Variants in PDE4D observed in about 807,000 individuals in gnomAD.
PDE4D encodes the protein 3',5'-cyclic-AMP phosphodiesterase 4D.
Under a neutral mutation model 87.4 loss-of-function variants are expected in PDE4D, and 24 were observed. The ratio of observed to expected loss-of-function variants is 0.27; its 90% confidence interval spans 0.20 to 0.39. The LOEUF (loss-of-function observed/expected upper bound fraction) is 0.39. PDE4D is among the 10% of genes least tolerant of loss of function. The pLI is 1.00. For missense variants in PDE4D, 714 were observed against 1,041.0 expected (o/e 0.69, Z 4.32); for synonymous variants, 384 against 383.2 (o/e 1.00, Z -0.02).
At chr5:59,234,275 GTCTT>G (rs1047501360) in intron 1 of PDE4D, among the ~76,000 whole-genome samples, 7 of 151,860 alleles carry the variant, frequency 4.6e-5, no homozygotes, top group South Asian at 2.1e-4. Flanking sequence ...TGTGTATTTT[GTCTT>G]TCTTTTTTCT....
At chr5:59,475,131 A>T (rs1441098677) in intron 1 of PDE4D, among the ~76,000 whole-genome samples, 1 of 151,994 alleles carries the variant, frequency 6.6e-6, no homozygotes, top group East Asian at 1.9e-4. Context: ...TAAGGACCAT[A>T]CTTCTATCAC....
intron 1 of PDE4D, among the ~76,000 whole-genome samples, chr5:59,581,666 A>C (rs1824179515): frequency 6.6e-6 from 1 of 152,208 alleles, no homozygotes; most frequent in South Asian, 2.1e-4. Context: ...AAGCACATTG[A>C]TATTACTAAT....
chr5:60,472,007 T>C (rs1009833836), intron 1 of PDE4D, among the ~76,000 whole-genome samples: 1 of 152,160 alleles, frequency 6.6e-6, no homozygotes, highest in African/African-American at 2.4e-5. Context: ...CCGATAGTTA[T>C]ATGGTTTTGG....
intron 5 of PDE4D, among the ~76,000 whole-genome samples, chr5:59,079,848 G>GGAGAGGATAGGAGAGGAGAGGAGA (rs1561447222): frequency 1.0e-5 from 1 of 97,910 alleles, no homozygotes; most frequent in Non-Finnish European, 2.0e-5. Flanking sequence ...GGGAGAGGAG[G>GGAGAGGATAGGAGAGGAGAGGAGA]GGAGAGGAGA....
At chr5:59,602,324 A>T (rs185470740) in intron 1 of PDE4D, among the ~76,000 whole-genome samples, 6 of 152,196 alleles carry the variant, frequency 3.9e-5, no homozygotes, top group African/African-American at 1.2e-4. Flanking sequence ...ATACTTAACA[A>T]GGAAAAGTTG....
chr5:60,384,444 T>G (rs1326177238), intron 1 of PDE4D, among the ~76,000 whole-genome samples: 1 of 152,242 alleles, frequency 6.6e-6, no homozygotes, highest in Non-Finnish European at 1.5e-5. Context: ...ATGAACTTCT[T>G]AAATAAACAA....
At chr5:59,328,817 G>A (rs1776184269) in intron 1 of PDE4D, among the ~76,000 whole-genome samples, 1 of 152,198 alleles carries the variant, frequency 6.6e-6, no homozygotes, top group African/African-American at 2.4e-5. Flanking sequence ...ATCTCTCTGA[G>A]GAATCAAGTC....
chr5:59,404,670 A>T (rs1206403014), intron 1 of PDE4D, among the ~76,000 whole-genome samples: 1 of 151,050 alleles, frequency 6.6e-6, no homozygotes, highest in Admixed American at 6.6e-5. Flanking sequence ...TGTCTAAAAA[A>T]AAAAAAAAAA....
chr5:59,292,108 G>T (rs1274734952), intron 1 of PDE4D, among the ~76,000 whole-genome samples: 1 of 151,920 alleles, frequency 6.6e-6, no homozygotes, highest in African/African-American at 2.4e-5. Flanking sequence ...ATTCCATATG[G>T]GGAAAGAATA....
chr5:59,643,590 A>C (rs2150204423), intron 1 of PDE4D, among the ~76,000 whole-genome samples: 1 of 152,298 alleles, frequency 6.6e-6, no homozygotes, highest in African/African-American at 2.4e-5. Context: ...GAGTTTTAAA[A>C]ACAATTTTGT....
chr5:60,018,779 A>T (rs1765761557), intron 2 of PDE4D, among the ~76,000 whole-genome samples: 1 of 152,182 alleles, frequency 6.6e-6, no homozygotes, highest in African/African-American at 2.4e-5. Flanking sequence ...TAATTCAACA[A>T]GAAGGGCTAA....
At chr5:60,460,466 G>T in intron 1 of PDE4D, 1 of 1,524,758 alleles carries the variant, frequency 6.6e-7, no homozygotes, top group Admixed American at 1.7e-5. Flanking sequence ...CCAAAATTTG[G>T]GATTTTGGCG....
chr5:59,693,951 T>G (rs748896368), intron 1 of PDE4D, among the ~76,000 whole-genome samples: 32 of 152,148 alleles, frequency 2.1e-4, no homozygotes, highest in Non-Finnish European at 4.0e-4. Context: ...CAAAGGTTGA[T>G]GCCTTAAGGG....
In PDE4D at chr5:59,956,551, G is replaced by A. The variant is rs141179254; in HGVS notation, c.272+31937C>T. Among the ~76,000 whole-genome samples, 595 of 152,178 alleles carry A rather than the reference G, an allele frequency of 3.9e-3. 6 individuals carry two copies. The highest frequency in any genetic ancestry group is 0.013 in the African/African-American group (550 of 41,518). ...GCCCCTGTGTGCTTGTGAACCAAAC[G>A]CAACCAAATGTTTCTATTTGTGAGC... On this transcript the variant is annotated intron_variant, in intron 3 of 16. Coordinates refer to the PDE4D transcript ENST00000502484.
chr5:59,290,791 AAAG>A (rs1290574297), intron 1 of PDE4D, among the ~76,000 whole-genome samples: 1 of 152,164 alleles, frequency 6.6e-6, no homozygotes, highest in African/African-American at 2.4e-5. Context: ...ACATTTCTCA[AAAG>A]AAGACATAAA....
At chr5:60,284,260 T>C (rs527245904) in intron 1 of PDE4D, among the ~76,000 whole-genome samples, 2 of 152,304 alleles carry the variant, frequency 1.3e-5, no homozygotes, top group African/African-American at 2.4e-5. Context: ...TAAAAATTAA[T>C]GTTAAAAATG....
intron 1 of PDE4D, among the ~76,000 whole-genome samples, chr5:60,512,446 G>A (rs1472742855): frequency 6.6e-6 from 1 of 151,952 alleles, no homozygotes; most frequent in Non-Finnish European, 1.5e-5. Flanking sequence ...CATTCAATCT[G>A]CAGATGTAAA....
chr5:59,520,527 T>A (rs565212627), intron 1 of PDE4D, among the ~76,000 whole-genome samples: 1 of 152,168 alleles, frequency 6.6e-6, no homozygotes, highest in Non-Finnish European at 1.5e-5. Flanking sequence ...GGCATGGGCA[T>A]TGTGGTGAGG....
At chr5:59,777,710 T>A (rs1764215154) in intron 1 of PDE4D, among the ~76,000 whole-genome samples, 1 of 152,224 alleles carries the variant, frequency 6.6e-6, no homozygotes, top group African/African-American at 2.4e-5. Flanking sequence ...TGATCCTATT[T>A]CTTTATATTC....
Sources: allele counts gnomAD v4.1 joint callset (sites outside exome capture counted in the v4.1 genomes callset), GRCh38; gene constraint gnomAD v4.1.1; transcripts MANE v1.5; gene names NCBI Gene and HGNC (gene_info 2026-07-23, HGNC 2026-07-21).